Variants in UGT2B7 observed in about 807,000 individuals in gnomAD.
UGT2B7 encodes the protein UDP-glucuronosyltransferase 2B7.
In UGT2B7, 51 loss-of-function variants were observed where a neutral mutation model predicts 51.9. That is an observed-to-expected ratio of 0.98 (90% CI 0.78 to 1.24). The LOEUF is 1.24. Among genes scored for constraint, UGT2B7 ranks in the 50% most tolerant of loss-of-function variants. The pLI, the probability that UGT2B7 is intolerant of heterozygous loss-of-function variation, is 0.00. For missense variants in UGT2B7, 727 were observed against 628.4 expected, an observed-to-expected ratio of 1.16 and a Z score of -1.68; for synonymous variants, 225 against 211.6, an observed-to-expected ratio of 1.06 and a Z score of -0.55.
intron 1 of UGT2B7, among the ~76,000 whole-genome samples, chr4:69,070,999 T>C (rs1427097513): frequency 1.3e-5 from 2 of 152,138 alleles, no homozygotes; most frequent in East Asian, 3.9e-4. Context: ...CTATGCAAAC[T>C]AGTAAAATCT....
chr4:69,103,550 T>C (rs1185336398), intron 3 of UGT2B7, among the ~76,000 whole-genome samples: 1 of 152,208 alleles, frequency 6.6e-6, no homozygotes, highest in Non-Finnish European at 1.5e-5. Context: ...TAAGTGAAAA[T>C]GGTGCTTAAT....
intron 3 of UGT2B7, among the ~76,000 whole-genome samples, chr4:69,105,002 C>T (rs1315868693): frequency 1.3e-5 from 2 of 152,054 alleles, no homozygotes; most frequent in African/African-American, 4.8e-5. Context: ...ACCCACATAG[C>T]CAGATAGATT....
At chr4:69,097,619 ACTAT>A (rs1353098959) in intron 1 of UGT2B7, among the ~76,000 whole-genome samples, 1 of 152,194 alleles carries the variant, frequency 6.6e-6, no homozygotes, top group South Asian at 2.1e-4. Context: ...TTTTTCTACA[ACTAT>A]CTATATAACT....
intron 1 of UGT2B7, among the ~76,000 whole-genome samples, chr4:69,084,643 G>T (rs1718910325): frequency 1.3e-5 from 2 of 152,056 alleles, no homozygotes; most frequent in South Asian, 4.2e-4. Context: ...ACAGGCCCCA[G>T]TGTGTGATGT....
At chr4:69,098,511 T>G (rs763376765) in intron 1 of UGT2B7, 29 bp from the exon 2 acceptor site, 3 of 1,533,120 alleles carry the variant, frequency 2.0e-6, no homozygotes, top group Non-Finnish European at 1.7e-6. Flanking sequence ...TCTTGTGTCA[T>G]CCACCTTTTT....
chr4:69,090,027 T>A (rs992745998), intron 2 of UGT2B7, among the ~76,000 whole-genome samples: 2 of 152,156 alleles, frequency 1.3e-5, no homozygotes, highest in Non-Finnish European at 2.9e-5. Context: ...TTTGATTGTA[T>A]AGGAACTCCA....
At chr4:69,066,949 G>A (rs990034761) in intron 1 of UGT2B7, among the ~76,000 whole-genome samples, 1 of 151,956 alleles carries the variant, frequency 6.6e-6, no homozygotes, top group African/African-American at 2.4e-5. Context: ...ATGGAGTGTG[G>A]CCTGTCCTTC....
chr4:69,052,406 G>A (rs1473124966), intron 1 of UGT2B7, among the ~76,000 whole-genome samples: 1 of 151,910 alleles, frequency 6.6e-6, no homozygotes, highest in African/African-American at 2.4e-5. Context: ...TAATAGCAAA[G>A]GATAATTGAA....
intron 5 of UGT2B7, among the ~76,000 whole-genome samples, chr4:69,110,249 A>C (rs1719734527): frequency 2.0e-5 from 3 of 152,108 alleles, no homozygotes. Context: ...TGTGGTGGGC[A>C]ATAAATCAAG....
At chr4:69,064,513 C>G (rs572460853) in intron 1 of UGT2B7, among the ~76,000 whole-genome samples, 1 of 152,264 alleles carries the variant, frequency 6.6e-6, no homozygotes, top group East Asian at 1.9e-4. Flanking sequence ...TGAGCAAAAC[C>G]TAGATAACAG....
chr4:69,110,692 G>A (rs1719746818), intron 5 of UGT2B7, among the ~76,000 whole-genome samples: 1 of 152,100 alleles, frequency 6.6e-6, no homozygotes, highest in Non-Finnish European at 1.5e-5. Flanking sequence ...GCTATTCGAA[G>A]TCAGGCTAAT....
At chr4:69,098,516 C>CTTTTTTTT (rs34182209) in intron 1 of UGT2B7, 24 bp from the exon 2 acceptor site, 6 of 1,474,866 alleles carry the variant, frequency 4.1e-6, no homozygotes, top group East Asian at 2.6e-5. Context: ...TGTCATCCAC[C>CTTTTTTTT]TTTTTTTTTT....
chr4:69,077,681 G>A (rs571444964), intron 1 of UGT2B7, among the ~76,000 whole-genome samples: 30 of 152,132 alleles, frequency 2.0e-4, no homozygotes, highest in Non-Finnish European at 3.7e-4. Context: ...GAGATTTGGG[G>A]CTGAGACAGT....
Position 69,098,568 on chromosome 4 carries a change from G to C in UGT2B7, c.750G>C (p.Met250Ile). Reference protein sequence around the residue: ...LGRPTTLSETMGKADVWLIRN... With the variant: ...LGRPTTLSETIGKADVWLIRN... ...GACCCACTACATTATCTGAGACAAT[G>C]GGGAAAGCTGACGTATGGCTTATTC... Residue 250 changes from methionine to isoleucine, a missense_variant, in exon 2 of 6, where the codon ATG (methionine) becomes ATC (isoleucine). Met to Ile is a conservative substitution (Grantham distance 10). Transcript: ENST00000305231. 6.2e-7 allele frequency: 1 copy of C among 1,609,894 alleles called. No homozygotes were observed. Among genetic ancestry groups the C allele is most frequent in the Non-Finnish European group, 8.5e-7 (1 of 1,178,440 alleles).
At chr4:69,106,137 A>G (rs1176971768) in intron 3 of UGT2B7, among the ~76,000 whole-genome samples, 2 of 152,080 alleles carry the variant, frequency 1.3e-5, no homozygotes, top group African/African-American at 4.8e-5. Flanking sequence ...GTTCAAGGGG[A>G]CATGTGTAGT....
chr4:69,080,948 A>G (rs1718823701), intron 1 of UGT2B7, among the ~76,000 whole-genome samples: 1 of 152,166 alleles, frequency 6.6e-6, no homozygotes, highest in Non-Finnish European at 1.5e-5. Context: ...TAAATGTGTA[A>G]CATAAAAAAA....
At chr4:69,052,755 G>T (rs1718068337) in intron 1 of UGT2B7, among the ~76,000 whole-genome samples, 1 of 152,022 alleles carries the variant, frequency 6.6e-6, no homozygotes, top group Non-Finnish European at 1.5e-5. Flanking sequence ...AAAAATTTAT[G>T]CAAAAAGGTT....
intron 1 of UGT2B7, among the ~76,000 whole-genome samples, chr4:69,063,826 C>T (rs934841862): frequency 3.9e-5 from 6 of 151,932 alleles, no homozygotes; most frequent in African/African-American, 1.5e-4. Context: ...GCCTCTTAGG[C>T]CTCCTCATCA....
At chr4:69,064,438 G>A (rs1311806684) in intron 1 of UGT2B7, among the ~76,000 whole-genome samples, 2 of 152,226 alleles carry the variant, frequency 1.3e-5, no homozygotes, top group African/African-American at 4.8e-5. Flanking sequence ...CGCCTGAGAA[G>A]GCCTGAACTA....
Sources: allele counts gnomAD v4.1 joint callset (sites outside exome capture counted in the v4.1 genomes callset), GRCh38; gene constraint gnomAD v4.1.1; transcripts MANE v1.5; gene names NCBI Gene and HGNC (gene_info 2026-07-23, HGNC 2026-07-21).